The following TICRR variants were observed in gnomAD, a reference collection of about 807,000 sequenced individuals.
TICRR encodes the protein treslin.
Under a neutral mutation model 178.1 loss-of-function variants are expected in TICRR, and 132 were observed. That is an observed-to-expected ratio of 0.74 (90% CI 0.64 to 0.86). TICRR has a LOEUF of 0.86. Ranked by LOEUF, TICRR falls within the 40% of genes least tolerant of loss-of-function variation. The probability of loss-of-function intolerance (pLI) is 0.00; values close to 1 mark genes in which losing one functional copy is unlikely to be tolerated. For synonymous variants in TICRR, 991 were observed against 900.7 expected, an observed-to-expected ratio of 1.10 and a Z score of -1.79; for missense variants, 2,587 against 2,334.3, an observed-to-expected ratio of 1.11 and a Z score of -2.23.
chr15:89,617,938 C>T (rs1415737648), intron 16 of TICRR: 9 of 561,940 alleles, frequency 1.6e-5, no homozygotes, highest in Middle Eastern at 4.9e-4. Context: ...GTGATCCGCC[C>T]GCCTTAGCCT....
chr15:89,586,054 T>C (rs1962818020), intron 4 of TICRR, 112 bp downstream of exon 4: 1 of 703,496 alleles, frequency 1.4e-6, no homozygotes, highest in Admixed American at 2.6e-5. Context: ...ATAACACAGA[T>C]GAAAGAAAGC....
chr15:89,608,134 A>G (rs566655113), intron 14 of TICRR, among the ~76,000 whole-genome samples: 1 of 152,310 alleles, frequency 6.6e-6, no homozygotes, highest in African/African-American at 2.4e-5. Flanking sequence ...TCCATCTTAC[A>G]TTGAGTAGCT....
At chr15:89,594,184 A>G (rs1962958236) in intron 5 of TICRR, among the ~76,000 whole-genome samples, 1 of 152,218 alleles carries the variant, frequency 6.6e-6, no homozygotes, top group Non-Finnish European at 1.5e-5. Flanking sequence ...TCAATATTAT[A>G]TGTAATGGTT....
intron 4 of TICRR, among the ~76,000 whole-genome samples, chr15:89,589,162 CG>C (rs377575462): frequency 3.4e-4 from 52 of 152,104 alleles, no homozygotes; most frequent in African/African-American, 1.1e-3. Context: ...GGATGGGAGA[CG>C]GAAGGAGCAG....
chr15:89,587,764 C>T (rs1043025528), intron 4 of TICRR, among the ~76,000 whole-genome samples: 3 of 152,032 alleles, frequency 2.0e-5, no homozygotes, highest in South Asian at 2.1e-4. Context: ...AGTGGGAATA[C>T]GTTCAGGAGG....
At chr15:89,593,684 C>T (rs1159641797) in intron 5 of TICRR, among the ~76,000 whole-genome samples, 2 of 152,158 alleles carry the variant, frequency 1.3e-5, no homozygotes, top group Non-Finnish European at 2.9e-5. Flanking sequence ...CCAGGATGGG[C>T]GACAGAGCAC....
intron 5 of TICRR, among the ~76,000 whole-genome samples, chr15:89,593,977 C>T (rs1393618090): frequency 6.6e-6 from 1 of 152,182 alleles, no homozygotes; most frequent in African/African-American, 2.4e-5. Context: ...TCCTCCTCTT[C>T]TCATCAATCC....
Position 89,621,321 on chromosome 15 carries a change from G to A in TICRR, c.3155-72G>A, listed in dbSNP as rs1024949881. 6.7e-6 allele frequency: 10 copies of A among 1,491,358 alleles called. No individual in the cohort carries two copies. The Admixed American group carries it at 2.1e-4, about 31-fold the overall frequency. 92.4% of individuals were successfully genotyped at this position (1,491,358 alleles called of 1,614,324 possible). On this transcript the variant is annotated intron_variant, in intron 18 of 21. Transcript: ENST00000268138. ...CAGGCGTGAGCCACCATGCGTGGCT[G>A]GCTGTTTTAATAGTATTGGAAGAAC...
intron 6 of TICRR, among the ~76,000 whole-genome samples, 160 bp downstream of exon 6, chr15:89,594,714 T>C (rs1371152260): frequency 1.3e-5 from 2 of 152,200 alleles, no homozygotes; most frequent in Admixed American, 6.5e-5. Context: ...TCAATAGTGA[T>C]TTTTAAAAAA....
Position 89,594,487 on chromosome 15 carries a change from C to G in TICRR, c.1614C>G (p.Ala538=). Residue 538 remains alanine (A), a synonymous_variant, in exon 6 of 22, where the codon GCC becomes GCG. Transcript: ENST00000268138. ...AAGGCGAATTAATACATTGCCTTGCCGAGCTCTACCAGAGAAAATCTCGTG... is the reference window on the plus strand; with the variant it reads ...AAGGCGAATTAATACATTGCCTTGCGGAGCTCTACCAGAGAAAATCTCGTG... ...KTEGELIHCL[A]ELYQRKSREE... is the part of the protein sequence containing the mutation. 1 of 1,613,108 alleles carries G rather than the reference C, an allele frequency of 6.2e-7. No homozygotes were observed. Among genetic ancestry groups the G allele is most frequent in the Non-Finnish European group, 8.5e-7 (1 of 1,179,490 alleles).
At chr15:89,612,562 A>G (rs1252235911) in intron 15 of TICRR, among the ~76,000 whole-genome samples, 2 of 152,246 alleles carry the variant, frequency 1.3e-5, no homozygotes, top group Non-Finnish European at 1.5e-5. Flanking sequence ...CAGTTCATGC[A>G]CATCATTCCC....
At chr15:89,578,646 A>ATC (rs201455261) in intron 1 of TICRR, among the ~76,000 whole-genome samples, 11 of 134,560 alleles carry the variant, frequency 8.2e-5, no homozygotes, top group East Asian at 6.7e-4. Flanking sequence ...TTTCTCTTTA[A>ATC]TCTCTCTCTC....
chr15:89,608,328 A>G (rs1963204029), intron 14 of TICRR, among the ~76,000 whole-genome samples: 1 of 152,236 alleles, frequency 6.6e-6, no homozygotes, highest in African/African-American at 2.4e-5. Context: ...GAAAATCAGA[A>G]TAGATCTATA....
chr15:89,623,975 G>A lies in TICRR; in HGVS notation c.3665G>A (p.Ser1222Asn). Residue 1222 changes from serine (S) to asparagine (N), a missense_variant, in exon 20 of 22, where the codon AGC (serine) becomes AAC (asparagine). Ser to Asn is a conservative substitution (Grantham distance 46, BLOSUM62 1). Coordinates refer to ENST00000268138, the MANE Select transcript of TICRR (RefSeq NM_152259.4). ...WPHSVNSSPESPSCPAPPTSS... is the reference protein window; with the variant it reads ...WPHSVNSSPENPSCPAPPTSS... ...CATTCAGTGAATTCCAGTCCAGAAAGCCCCTCCTGTCCAGCCCCTCCAACT... is the reference window on the plus strand; with the variant it reads ...CATTCAGTGAATTCCAGTCCAGAAAACCCCTCCTGTCCAGCCCCTCCAACT... 3 of 1,613,864 alleles carry A rather than the reference G, an allele frequency of 1.9e-6. No individual in the cohort carries two copies. Among genetic ancestry groups the A allele is most frequent in the East Asian group, 2.2e-5 (1 of 44,870 alleles).
At position 89,625,754 on chromosome 15, in the gene TICRR, C is replaced by T. The variant is rs762129653; in HGVS notation, c.5444C>T (p.Pro1815Leu). The T allele has an allele frequency of 6.2e-6, 10 of 1,608,134 alleles. No individual in the cohort carries two copies. In the South Asian group the frequency reaches 6.6e-5, roughly 11 times the overall value. The change falls in exon 20 of 22, where the codon CCC becomes CTC. Residue 1815 changes from proline (P) to leucine (L), a missense_variant. Physicochemically the swap from Pro to Leu is moderately conservative, Grantham distance 98 (BLOSUM62 -3). Transcript: ENST00000268138. ...GSPSWSAWQL[P>L]STGDEEVFVS... ...CCAAGTTGGAGTGCATGGCAGCTAC[C>T]CTCCACGGGAGACGAAGAGGTGTTT...
chr15:89,576,821 GTATATATATATATA>G lies in TICRR; in HGVS notation c.654+608_654+621del, dbSNP rs369518649. 1.8e-3 allele frequency among the ~76,000 whole-genome samples: 167 copies of G among 92,442 alleles called. 3 individuals are homozygous for G. Among genetic ancestry groups the G allele is most frequent in the African/African-American group, 5.7e-3 (144 of 25,388 alleles). The allele number at this position is 92,442 out of a possible 152,430, so 60.6% of individuals were successfully genotyped here. On this transcript the variant is annotated intron_variant, in intron 1 of 21. Coordinates refer to ENST00000268138, the MANE Select transcript of TICRR (RefSeq NM_152259.4). ...CAGGGGTGTGTGTGTATGTGTGTGT[GTATATATATATATA>G]TATATATATATATATATATATATAT... is the stretch of plus-strand genomic sequence containing the variant.
At chr15:89,614,685 C>T (rs553680218) in intron 15 of TICRR, among the ~76,000 whole-genome samples, 2 of 152,274 alleles carry the variant, frequency 1.3e-5, no homozygotes, top group Non-Finnish European at 2.9e-5. Context: ...CCACCCCAAC[C>T]CTGCCAGGAT....
At position 89,624,521 on chromosome 15, in the gene TICRR, C is replaced by T. The variant is rs1963480387; in HGVS notation, c.4211C>T (p.Ala1404Val). ...GTGGAGTGTCAGCCTGATGCCTCCGCTACTCCTGGGGTTGGCACAGCTGAC... is the reference window on the plus strand; with the variant it reads ...GTGGAGTGTCAGCCTGATGCCTCCGTTACTCCTGGGGTTGGCACAGCTGAC... ...SIVECQPDAS[A>V]TPGVGTADSP... Residue 1404 changes from alanine (A) to valine (V), a missense_variant, in exon 20 of 22, where the codon GCT (alanine) becomes GTT (valine). Coordinates refer to ENST00000268138, the MANE Select transcript of TICRR (RefSeq NM_152259.4). 1 of 1,614,002 alleles carries T rather than the reference C, an allele frequency of 6.2e-7. No individual in the cohort carries two copies. The highest frequency in any genetic ancestry group is 1.3e-5 in the African/African-American group (1 of 74,938).
intron 15 of TICRR, among the ~76,000 whole-genome samples, chr15:89,611,126 T>C (rs574065114): frequency 6.6e-6 from 1 of 152,324 alleles, no homozygotes; most frequent in South Asian, 2.1e-4. Flanking sequence ...TTGTTTTTTA[T>C]TTCTTCTCAT....
Sources: allele counts gnomAD v4.1 joint callset (sites outside exome capture counted in the v4.1 genomes callset), GRCh38; gene constraint gnomAD v4.1.1; transcripts MANE v1.5; gene names NCBI Gene and HGNC (gene_info 2026-07-23, HGNC 2026-07-21).